Variants in NME7 observed in about 807,000 individuals in gnomAD.
The protein encoded by NME7 is nucleoside diphosphate kinase 7.
In NME7, 41 loss-of-function variants were observed where a neutral mutation model predicts 49.1. That is an observed-to-expected ratio of 0.83 (90% confidence interval 0.65 to 1.08). NME7 has a LOEUF of 1.08. NME7 is among the 50% of genes least tolerant of loss of function. The probability of loss-of-function intolerance (pLI) is 0.00; values close to 1 mark genes in which losing one functional copy is unlikely to be tolerated. For synonymous variants in NME7, 139 were observed against 150.6 expected, an observed-to-expected ratio of 0.92 and a Z score of 0.56; for missense variants, 423 against 463.4, an observed-to-expected ratio of 0.91 and a Z score of 0.80.
intron 7 of NME7, among the ~76,000 whole-genome samples, chr1:169,243,842 A>G (rs1648190437): frequency 6.6e-6 from 1 of 152,160 alleles, no homozygotes; most frequent in East Asian, 1.9e-4. Flanking sequence ...TGAGGAAAGT[A>G]CTAGTATAAT....
At chr1:169,303,398 T>G (rs535259590) in intron 4 of NME7, 178 of 272,562 alleles carry the variant, frequency 6.5e-4, no homozygotes, top group African/African-American at 3.7e-3. Flanking sequence ...TAAATAAAAA[T>G]TAATGTAGGA....
chr1:169,250,767 T>C (rs1202640127), intron 7 of NME7, among the ~76,000 whole-genome samples: 3 of 152,138 alleles, frequency 2.0e-5, no homozygotes, highest in Non-Finnish European at 2.9e-5. Flanking sequence ...TTAATTTCTA[T>C]GTATTTGTAT....
intron 11 of NME7, among the ~76,000 whole-genome samples, chr1:169,141,393 A>C (rs1174726363): frequency 6.6e-6 from 1 of 152,220 alleles, no homozygotes; most frequent in Non-Finnish European, 1.5e-5. Context: ...AAACTTCAAC[A>C]GGATTACCTT....
intron 7 of NME7, among the ~76,000 whole-genome samples, chr1:169,258,191 G>A (rs1649031842): frequency 7.9e-6 from 1 of 126,774 alleles, no homozygotes; most frequent in African/African-American, 2.6e-5. Flanking sequence ...TAAGAAATTA[G>A]CTAGGTGTTG....
intron 7 of NME7, among the ~76,000 whole-genome samples, chr1:169,276,668 T>A (rs1383293004): frequency 7.5e-6 from 1 of 133,320 alleles, no homozygotes; most frequent in Non-Finnish European, 1.8e-5. Context: ...TTTGAAGGGT[T>A]TTTTGGTCTC....
intron 7 of NME7, among the ~76,000 whole-genome samples, chr1:169,270,647 A>G (rs905348328): frequency 7.5e-6 from 1 of 134,002 alleles, no homozygotes; most frequent in African/African-American, 2.5e-5. Flanking sequence ...AGTAGTAGTA[A>G]TAGAGTAGTA....
At chr1:169,257,057 G>C (rs184877907) in intron 7 of NME7, among the ~76,000 whole-genome samples, 11,735 of 133,470 alleles carry the variant, frequency 0.088, 3,133 homozygotes, top group East Asian at 0.75. Flanking sequence ...GCCTACAGAG[G>C]CAGGCAGGCC....
At chr1:169,254,376 G>A (rs1648797820) in intron 7 of NME7, among the ~76,000 whole-genome samples, 1 of 151,844 alleles carries the variant, frequency 6.6e-6, no homozygotes, top group African/African-American at 2.4e-5. Flanking sequence ...ATTCTCTGAT[G>A]GTAGTTTGTA....
At chr1:169,320,085 C>G (rs75596295) in intron 3 of NME7, among the ~76,000 whole-genome samples, 1 of 152,102 alleles carries the variant, frequency 6.6e-6, no homozygotes, top group Non-Finnish European at 1.5e-5. Context: ...ATTGACTCAT[C>G]ATATGAAAAC....
At chr1:169,168,241 T>C (rs1231637039) in intron 11 of NME7, among the ~76,000 whole-genome samples, 1 of 152,200 alleles carries the variant, frequency 6.6e-6, no homozygotes, top group Non-Finnish European at 1.5e-5. Flanking sequence ...TTCCTTTCTT[T>C]TGTTCCTGCT....
intron 3 of NME7, among the ~76,000 whole-genome samples, chr1:169,315,170 C>T (rs1651567602): frequency 6.6e-6 from 1 of 151,768 alleles, no homozygotes; most frequent in Admixed American, 6.6e-5. Context: ...AAGATTTGAA[C>T]ATCACAATTC....
chr1:169,294,158 T>C (rs1367404156), intron 6 of NME7, among the ~76,000 whole-genome samples: 2 of 152,148 alleles, frequency 1.3e-5, no homozygotes, highest in Non-Finnish European at 2.9e-5. Context: ...CTGAAATAAT[T>C]TCATTTAATC....
chr1:169,181,857 C>A (rs1387342524), intron 10 of NME7, among the ~76,000 whole-genome samples: 1 of 152,140 alleles, frequency 6.6e-6, no homozygotes, highest in Non-Finnish European at 1.5e-5. Context: ...TTACTCAGCC[C>A]ACATGATACC....
chr1:169,309,299 C>G (rs1008831276), intron 4 of NME7, among the ~76,000 whole-genome samples: 2 of 152,114 alleles, frequency 1.3e-5, no homozygotes, highest in Admixed American at 6.5e-5. Flanking sequence ...CTTTAAGAAA[C>G]AGGACTTCTG....
chr1:169,231,933 T>C (rs1203935834), intron 9 of NME7, among the ~76,000 whole-genome samples: 4 of 151,322 alleles, frequency 2.6e-5, no homozygotes, highest in Non-Finnish European at 5.9e-5. Context: ...TTTTACAATA[T>C]ACAGTATCCA....
intron 10 of NME7, chr1:169,190,688 A>T (rs1660193743): frequency 2.3e-6 from 1 of 444,292 alleles, no homozygotes; most frequent in Non-Finnish European, 4.5e-6. Context: ...ACTTGTGAGA[A>T]ATTGGAGATT....
chr1:169,223,506 C>T (rs539377115), intron 10 of NME7, among the ~76,000 whole-genome samples: 8 of 152,198 alleles, frequency 5.3e-5, no homozygotes, highest in Middle Eastern at 3.4e-3. Context: ...GTGTTGCTAT[C>T]ATGATTTACT....
intron 11 of NME7, among the ~76,000 whole-genome samples, chr1:169,156,748 T>C (rs1287959754): frequency 6.6e-6 from 1 of 152,228 alleles, no homozygotes; most frequent in African/African-American, 2.4e-5. Flanking sequence ...AATGAACTTA[T>C]GCCCCACTAT....
intron 11 of NME7, among the ~76,000 whole-genome samples, chr1:169,155,047 C>T (rs1659028008): frequency 6.6e-6 from 1 of 152,096 alleles, no homozygotes; most frequent in Middle Eastern, 3.4e-3. Context: ...TTGGCTCAAG[C>T]AATCCTTCTG....
Sources: allele counts gnomAD v4.1 joint callset (sites outside exome capture counted in the v4.1 genomes callset), GRCh38; gene constraint gnomAD v4.1.1; transcripts MANE v1.5; gene names NCBI Gene and HGNC (gene_info 2026-07-23, HGNC 2026-07-21).